The following KTN1 variants were observed in gnomAD, a reference collection of about 807,000 sequenced individuals.
KTN1 encodes kinectin 1, also known as kinectin.
In KTN1, 130 loss-of-function variants were observed where a neutral mutation model predicts 222.5. That is an observed-to-expected ratio of 0.58 (90% CI 0.51 to 0.68). KTN1 has a LOEUF of 0.68. Among genes scored for constraint, KTN1 ranks in the 30% least tolerant of loss-of-function variants. KTN1 has a pLI of 0.00. For missense variants in KTN1, 1,508 were observed against 1,500.4 expected (o/e 1.01, Z -0.08); for synonymous variants, 512 against 496.3 (o/e 1.03, Z -0.42).
Position 55,637,365 on chromosome 14 carries a change from G to T in KTN1, c.1716+1G>T. The stretch of plus-strand genomic sequence containing the variant: ...AGAGTCTCTACAAATGCAGGTTCAG[G>T]TATTTTTTCTTCTTTTTTTTTTTTT... On this transcript the variant is annotated splice_donor_variant, in intron 11 of 43. Transcript: ENST00000395314. LOFTEE classifies it high-confidence loss of function. The T allele has an allele frequency of 6.5e-7, 1 of 1,537,014 alleles. No individual in the cohort carries two copies. Among genetic ancestry groups the T allele is most frequent in the Admixed American group, 2.1e-5 (1 of 46,610 alleles).
chr14:55,681,936 C>CT (rs2046408784), intron 43 of KTN1: 1 of 152,080 alleles, frequency 6.6e-6, no homozygotes, highest in Non-Finnish European at 1.5e-5. Flanking sequence ...CCTGTATACT[C>CT]TATTTAAACT....
At chr14:55,612,964 CT>C (rs1245380675) in intron 2 of KTN1, among the ~76,000 whole-genome samples, 1 of 151,766 alleles carries the variant, frequency 6.6e-6, no homozygotes, top group Non-Finnish European at 1.5e-5. Flanking sequence ...CTTAAAACCA[CT>C]TAGGACCTGT....
At chr14:55,632,882 T>C (rs2040694253) in intron 7 of KTN1, among the ~76,000 whole-genome samples, 1 of 152,194 alleles carries the variant, frequency 6.6e-6, no homozygotes, top group African/African-American at 2.4e-5. Flanking sequence ...TAATGTATAA[T>C]TGACATAAGA....
chr14:55,620,222 C>T (rs916600805), intron 5 of KTN1, among the ~76,000 whole-genome samples: 29 of 152,184 alleles, frequency 1.9e-4, no homozygotes, highest in Non-Finnish European at 7.4e-5. Flanking sequence ...CAGCTCCGCC[C>T]CTGTGGCTTT....
intron 1 of KTN1, among the ~76,000 whole-genome samples, chr14:55,595,860 T>C (rs1184868224): frequency 6.6e-6 from 1 of 152,096 alleles, no homozygotes; most frequent in African/African-American, 2.4e-5. Context: ...TTTTTAATAG[T>C]GACTGGTTTG....
chr14:55,609,492 GATTCCTTCACGCCTA>G (rs1356199610), intron 1 of KTN1, among the ~76,000 whole-genome samples: 4 of 152,180 alleles, frequency 2.6e-5, no homozygotes, highest in African/African-American at 9.7e-5. Context: ...CAGAAAGCTT[GATTCCTTCACGCCTA>G]TATATGGGAC....
chr14:55,678,891 C>A, intron 42 of KTN1: 1 of 159,434 alleles, frequency 6.3e-6, no homozygotes, highest in Non-Finnish European at 1.4e-5. Flanking sequence ...AAACCATCCC[C>A]GCACTCACCC....
At chr14:55,651,228 T>G in intron 24 of KTN1, 1 of 455,408 alleles carries the variant, frequency 2.2e-6, no homozygotes, top group South Asian at 1.6e-5. Flanking sequence ...AGCTAGTGAT[T>G]GGAGATAATG....
chr14:55,603,901 C>G, intron 1 of KTN1, among the ~76,000 whole-genome samples: 1 of 152,288 alleles, frequency 6.6e-6, no homozygotes, highest in African/African-American at 2.4e-5. Context: ...TTTATTCTCT[C>G]GTACCCCACA....
chr14:55,613,443 G>T (rs2037888850), intron 2 of KTN1, among the ~76,000 whole-genome samples: 2 of 151,036 alleles, frequency 1.3e-5, no homozygotes, highest in Non-Finnish European at 2.9e-5. Context: ...GGACTTGTAT[G>T]TACCATTAAG....
chr14:55,649,956 A>G (rs1170621083), intron 22 of KTN1, 143 bp downstream of exon 22: 7 of 537,494 alleles, frequency 1.3e-5, no homozygotes, highest in Non-Finnish European at 2.2e-5. Context: ...TTAATGGAAT[A>G]AGAGAACTTA....
At chr14:55,624,090 A>C (rs2039494224) in intron 5 of KTN1, among the ~76,000 whole-genome samples, 1 of 152,140 alleles carries the variant, frequency 6.6e-6, no homozygotes, top group Non-Finnish European at 1.5e-5. Flanking sequence ...ATTTGGTTTT[A>C]GATTAAAATC....
intron 4 of KTN1, 61 bp from the exon 5 acceptor site, chr14:55,619,121 A>C: frequency 7.4e-7 from 1 of 1,359,326 alleles, no homozygotes; most frequent in Non-Finnish European, 1.0e-6. Flanking sequence ...ACCTTTGCTG[A>C]AGTTATTATT....
intron 1 of KTN1, among the ~76,000 whole-genome samples, chr14:55,601,238 G>A (rs1354407295): frequency 6.6e-6 from 1 of 152,226 alleles, no homozygotes; most frequent in East Asian, 1.9e-4. Flanking sequence ...GCTGAAGTAA[G>A]TGGTGTGTTA....
At chr14:55,682,720 G>A (rs1174049706) in intron 43 of KTN1, 4 of 152,166 alleles carry the variant, frequency 2.6e-5, no homozygotes, top group African/African-American at 9.7e-5. Flanking sequence ...GCTAATAAAT[G>A]GGCGAGCTGG....
chr14:55,586,410 T>G (rs1758253857), intron 1 of KTN1, among the ~76,000 whole-genome samples: 1 of 151,544 alleles, frequency 6.6e-6, no homozygotes, highest in Admixed American at 6.6e-5. Context: ...CTAAATGCTT[T>G]AGGTGCATTA....
intron 1 of KTN1, among the ~76,000 whole-genome samples, chr14:55,593,922 G>C (rs943753897): frequency 2.0e-5 from 3 of 151,792 alleles, no homozygotes; most frequent in South Asian, 2.1e-4. Context: ...ACCTTGTTCT[G>C]TTTTGTTGCT....
chr14:55,642,890 G>A (rs1008641648), intron 18 of KTN1, among the ~76,000 whole-genome samples: 12 of 151,780 alleles, frequency 7.9e-5, no homozygotes, highest in Admixed American at 7.9e-4. Context: ...TAGTTTAAAT[G>A]GCATTTAAGG....
intron 10 of KTN1, 93 bp from the exon 11 acceptor site, chr14:55,637,105 G>T: frequency 1.2e-6 from 1 of 862,424 alleles, no homozygotes; most frequent in Non-Finnish European, 1.7e-6. Context: ...ATTCAAAGAA[G>T]GTTTTCTAGA....
Sources: allele counts gnomAD v4.1 joint callset (sites outside exome capture counted in the v4.1 genomes callset), GRCh38; gene constraint gnomAD v4.1.1; transcripts MANE v1.5; gene names NCBI Gene and HGNC (gene_info 2026-07-23, HGNC 2026-07-21).